Variants in DST observed in about 807,000 individuals in gnomAD.
The protein encoded by DST is dystonin.
In DST, 253 loss-of-function variants were observed where a neutral mutation model predicts 875.2. The observed-to-expected ratio is 0.29, with a 90% CI of 0.26 to 0.32. DST has a LOEUF of 0.32. Ranked by LOEUF, DST falls within the 10% of genes least tolerant of loss-of-function variation. The pLI is 1.00. For synonymous variants in DST, 3,124 were observed against 3,197.1 expected (o/e 0.98, Z 0.77); for missense variants, 8,287 against 9,111.6 (o/e 0.91, Z 3.68).
At chr6:56,602,851 T>A (rs758935254) in intron 43 of DST, 31 bp downstream of exon 43, 1 of 1,434,992 alleles carries the variant, frequency 7.0e-7, no homozygotes, top group East Asian at 2.5e-5. Context: ...GTTTTTGAAA[T>A]ATATTTTGTC....
rs143853121 is a variant in DST at position 56,626,546 on chromosome 6, T to C, written c.4722+658A>G. ...AACATGTAGGTTTATGTGAGTACAC[T>C]CTACAATGTTCGCACAATGAAAAAA... On this transcript the variant is annotated intron_variant, in intron 34 of 103. Coordinates refer to ENST00000680361, the MANE Select transcript of DST (RefSeq NM_001374736.1). 3.2e-3 allele frequency among the ~76,000 whole-genome samples: 481 copies of C among 152,240 alleles called. 1 individual carries two copies. The highest frequency in any genetic ancestry group is 0.011 in the African/African-American group (445 of 41,548).
chr6:56,802,306 G>A lies in DST; in HGVS notation c.625+49091C>T, dbSNP rs1483347794. The stretch of plus-strand genomic sequence containing the variant: ...TGAGCAACAATTTTCTTAGCTCTAT[G>A]AATTTAAGTACCACTTTTCTTAAAA... On this transcript the variant is annotated intron_variant, in intron 4 of 103. Coordinates refer to ENST00000680361, the MANE Select transcript of DST (RefSeq NM_001374736.1). Among the ~76,000 whole-genome samples the A allele has an allele frequency of 2.0e-5, 3 of 152,118 alleles. No homozygotes were observed. In the East Asian group the frequency reaches 5.8e-4, roughly 29 times the overall value.
At chr6:56,936,031 T>A (rs1037307839) in intron 2 of DST, among the ~76,000 whole-genome samples, 2 of 152,158 alleles carry the variant, frequency 1.3e-5, no homozygotes, top group African/African-American at 4.8e-5. Flanking sequence ...TCCTAAAAAA[T>A]TTGTATAATG....
rs940169659 is a variant in DST, at chr6:56,646,349, C to T, written c.1555-167G>A. ...ATACCAATTTCCAGCCAGCTGGTGA[C>T]GTGGGTTATCTAAAATTTGATGAGG... On this transcript the variant is annotated intron_variant, in intron 13 of 103. Coordinates refer to ENST00000680361, the MANE Select transcript of DST (RefSeq NM_001374736.1). Among the ~76,000 whole-genome samples the T allele has an allele frequency of 3.3e-5, 5 of 152,180 alleles. No individual in the cohort carries two copies. In the East Asian group the frequency reaches 9.7e-4, roughly 29 times the overall value.
intron 36 of DST, chr6:56,617,040 A>G: frequency 6.2e-7 from 1 of 1,614,016 alleles, no homozygotes; most frequent in Non-Finnish European, 8.5e-7. Flanking sequence ...GATTCTAGGT[A>G]AAGCCCTGCA....
rs759692709 is a variant in DST, at chr6:56,482,151, C to T, written c.21430G>A (p.Ala7144Thr). ...QAEEFHSVVHALLEWLAEAEQ... is the reference protein window; with the variant it reads ...QAEEFHSVVHTLLEWLAEAEQ... ...GCCTCAGCCAGCCACTCCAAGAGGG[C>T]ATGTACCACCGAGTGGAATTCCTCT... The change falls in exon 90 of 104, where the codon GCC (alanine) becomes ACC (threonine). Residue 7144 changes from alanine to threonine, a missense_variant. Ala to Thr is a moderately conservative substitution (Grantham distance 58). Coordinates refer to ENST00000680361, the MANE Select transcript of DST (RefSeq NM_001374736.1). 1.2e-6 allele frequency: 2 copies of T among 1,613,542 alleles called. No individual in the cohort carries two copies. The highest frequency in any genetic ancestry group is 2.2e-5 in the South Asian group (2 of 91,016).
At chr6:56,801,043 A>AT (rs1395862083) in intron 4 of DST, among the ~76,000 whole-genome samples, 5 of 151,868 alleles carry the variant, frequency 3.3e-5, no homozygotes, top group Admixed American at 6.6e-5. Flanking sequence ...AAAAAAAAAA[A>AT]AAACCTCCTA....
intron 69 of DST, among the ~76,000 whole-genome samples, chr6:56,521,436 C>T (rs1375421223): frequency 6.7e-6 from 1 of 149,952 alleles, no homozygotes; most frequent in East Asian, 1.9e-4. Flanking sequence ...GACAGTCAGG[C>T]TGTGAAATAT....
chr6:56,659,058 G>A (rs1239691140), intron 10 of DST, among the ~76,000 whole-genome samples: 1 of 152,184 alleles, frequency 6.6e-6, no homozygotes, highest in Non-Finnish European at 1.5e-5. Flanking sequence ...CCATCAAAAT[G>A]CATTAAGGAG....
chr6:56,623,701 T>C (rs2098709646), intron 36 of DST, among the ~76,000 whole-genome samples: 1 of 152,162 alleles, frequency 6.6e-6, no homozygotes, highest in East Asian at 1.9e-4. Flanking sequence ...TGGCCCACAA[T>C]TTATTTATTT....
intron 13 of DST, among the ~76,000 whole-genome samples, chr6:56,648,155 C>T (rs758787646): frequency 5.3e-5 from 8 of 152,128 alleles, no homozygotes; most frequent in Non-Finnish European, 1.0e-4. Flanking sequence ...AAAGATGCTT[C>T]CTGCACAAAA....
intron 61 of DST, among the ~76,000 whole-genome samples, chr6:56,551,090 T>C (rs1360852618): frequency 6.6e-6 from 1 of 152,146 alleles, no homozygotes; most frequent in East Asian, 1.9e-4. Context: ...AGGCGTTTAA[T>C]AAACTGCAAA....
At chr6:56,593,045 G>A (rs886375315) in intron 48 of DST, among the ~76,000 whole-genome samples, 1 of 152,148 alleles carries the variant, frequency 6.6e-6, no homozygotes, top group African/African-American at 2.4e-5. Flanking sequence ...TCCCAAGCTT[G>A]AGAGGCTGCA....
Position 56,552,408 on chromosome 6 carries a change from T to C in DST, c.16384A>G (p.Ile5462Val), listed in dbSNP as rs777216052. ...TEETSPDLVG[I>V]KRDLEALSKQ... ...CTTAAGGCCTCCAAGTCCCTTTTGA[T>C]TCCAACAAGGTCAGGAGAGGTTTCT... Residue 5462 changes from isoleucine to valine, a missense_variant, in exon 61 of 104, where the codon ATC becomes GTC. This residue lies in a region of DST where 777 missense variants were observed against 764.8 expected (regional missense o/e 1.02). Transcript: ENST00000680361. 1.2e-6 allele frequency: 2 copies of C among 1,614,046 alleles called. No individual in the cohort carries two copies. The highest frequency in any genetic ancestry group is 1.7e-5 in the Admixed American group (1 of 60,022).
chr6:56,578,207 CA>C (rs60586501), intron 50 of DST, among the ~76,000 whole-genome samples: 9,135 of 151,812 alleles, frequency 0.06, 858 homozygotes, highest in African/African-American at 0.21. Context: ...CCCATCTCTA[CA>C]AAAAAAATTT....
intron 69 of DST, among the ~76,000 whole-genome samples, chr6:56,518,366 C>T (rs1421147282): frequency 2.0e-5 from 3 of 152,018 alleles, no homozygotes. Flanking sequence ...TTCCACAAAT[C>T]AAGAGAGAAA....
Position 56,642,419 on chromosome 6 carries a change from A to G in DST, c.1863T>C (p.Ala621=), listed in dbSNP as rs2098916043. The G allele has an allele frequency of 6.2e-7, 1 of 1,611,476 alleles. No homozygotes were observed. The highest frequency in any genetic ancestry group is 1.7e-5 in the Admixed American group (1 of 59,980). The change falls in exon 16 of 104, where the codon GCT becomes GCC. Residue 621 remains alanine (A), a synonymous_variant. Coordinates refer to ENST00000680361, the MANE Select transcript of DST (RefSeq NM_001374736.1). ...CCTAAAATTAACTTACAGACTGAAG[A>G]GCATTTCCAGCAAGAATCAGTTTGT... ...CEDKLILAGN[A]LQSDSKRLES... is the part of the protein sequence containing the mutation.
intron 103 of DST, among the ~76,000 whole-genome samples, chr6:56,459,918 A>C (rs1204750899): frequency 2.0e-5 from 3 of 152,160 alleles, no homozygotes; most frequent in Admixed American, 2.0e-4. Context: ...CCTCTGTTGT[A>C]CAGTAATTCT....
intron 7 of DST, among the ~76,000 whole-genome samples, chr6:56,702,999 G>A (rs570563484): frequency 6.6e-6 from 1 of 151,806 alleles, no homozygotes; most frequent in African/African-American, 2.4e-5. Context: ...TAAAATCAAG[G>A]GGCACTAGGT....
Sources: allele counts gnomAD v4.1 joint callset (sites outside exome capture counted in the v4.1 genomes callset), GRCh38; gene constraint gnomAD v4.1.1; regional missense constraint gnomAD v4.1.1; transcripts MANE v1.5; gene names NCBI Gene and HGNC (gene_info 2026-07-23, HGNC 2026-07-21).